Variants in SMYD3 observed in about 807,000 individuals in gnomAD.
SMYD3 encodes SET and MYND domain containing 3.
A neutral mutation model predicts 57.7 loss-of-function variants in SMYD3; 36 were observed. That is an observed-to-expected ratio of 0.62 (90% CI 0.48 to 0.82). The LOEUF is 0.82. Ranked by LOEUF, SMYD3 falls within the 40% of genes least tolerant of loss-of-function variation. The pLI is 0.00. For missense variants in SMYD3, 515 were observed against 538.8 expected (o/e 0.96, Z 0.44); for synonymous variants, 211 against 195.0 (o/e 1.08, Z -0.68).
chr1:245,800,470 T>C (rs2047806446), intron 10 of SMYD3, among the ~76,000 whole-genome samples: 1 of 152,030 alleles, frequency 6.6e-6, no homozygotes, highest in African/African-American at 2.4e-5. Flanking sequence ...GCTTGGCACA[T>C]AGGAGGTACT....
At chr1:245,904,834 C>T (rs1416297751) in intron 8 of SMYD3, among the ~76,000 whole-genome samples, 1 of 151,588 alleles carries the variant, frequency 6.6e-6, no homozygotes, top group Non-Finnish European at 1.5e-5. Flanking sequence ...AAAAGAGACC[C>T]CTTCCTTCTG....
At chr1:246,308,430 T>C (rs945101642) in intron 5 of SMYD3, among the ~76,000 whole-genome samples, 4 of 152,008 alleles carry the variant, frequency 2.6e-5, no homozygotes, top group African/African-American at 4.8e-5. Flanking sequence ...AAACCAATTT[T>C]CCCCCACTTC....
intron 5 of SMYD3, among the ~76,000 whole-genome samples, chr1:246,280,378 G>A (rs997822807): frequency 2.0e-5 from 3 of 152,146 alleles, no homozygotes; most frequent in African/African-American, 4.8e-5. Flanking sequence ...GGAGTAAATC[G>A]GTTTGGCTGA....
At chr1:246,370,451 A>C (rs1200702677) in intron 1 of SMYD3, among the ~76,000 whole-genome samples, 2 of 152,224 alleles carry the variant, frequency 1.3e-5, no homozygotes, top group African/African-American at 4.8e-5. Flanking sequence ...AAAAGGTTTT[A>C]GTAGTTTAGG....
At chr1:246,414,055 G>A (rs1359162016) in intron 1 of SMYD3, among the ~76,000 whole-genome samples, 1 of 152,198 alleles carries the variant, frequency 6.6e-6, no homozygotes, top group Non-Finnish European at 1.5e-5. Context: ...GGAAAGAGGG[G>A]TGGTATATAA....
intron 2 of SMYD3, among the ~76,000 whole-genome samples, chr1:246,341,702 C>A (rs1346565704): frequency 2.6e-5 from 4 of 152,152 alleles, no homozygotes; most frequent in Admixed American, 6.5e-5. Context: ...CAATTTATTT[C>A]TTTCTTACGC....
chr1:246,168,801 A>T (rs1273862027), intron 5 of SMYD3, among the ~76,000 whole-genome samples: 1 of 152,068 alleles, frequency 6.6e-6, no homozygotes, highest in Non-Finnish European at 1.5e-5. Context: ...TGACAAGTCT[A>T]CCTTGCTGCC....
chr1:246,372,698 C>T (rs994055718), intron 1 of SMYD3, among the ~76,000 whole-genome samples: 9 of 152,180 alleles, frequency 5.9e-5, no homozygotes, highest in Non-Finnish European at 1.0e-4. Context: ...TGGCGAAACC[C>T]CATCTCTACT....
rs146990388 is a variant in SMYD3 at position 246,034,709 on chromosome 1, T to C, written c.532-104772A>G. 446 of 154,550 alleles carry C rather than the reference T, an allele frequency of 2.9e-3. 2 individuals carry two copies. Among genetic ancestry groups the C allele is most frequent in the Non-Finnish European group, 4.7e-3 (328 of 69,738 alleles). 9.6% of individuals were successfully genotyped at this position (154,550 alleles called of 1,614,324 possible). On this transcript the variant is annotated intron_variant, in intron 5 of 11. Coordinates refer to ENST00000490107, the MANE Select transcript of SMYD3 (RefSeq NM_001167740.2). Reference sequence around the variant, plus strand: ...AGCAAGGCTGGGGCAAATAAGGGAATTGGGGGCTGCTGGCTCCACACAGCA... The same window carrying C: ...AGCAAGGCTGGGGCAAATAAGGGAACTGGGGGCTGCTGGCTCCACACAGCA...
intron 8 of SMYD3, among the ~76,000 whole-genome samples, chr1:245,878,003 G>C (rs142547596): frequency 6.6e-6 from 1 of 152,276 alleles, no homozygotes; most frequent in Non-Finnish European, 1.5e-5. Context: ...GAAACGAAAG[G>C]AGAGTGTTCC....
intron 7 of SMYD3, among the ~76,000 whole-genome samples, chr1:245,924,654 G>GGTTT (rs1558499827): frequency 8.7e-6 from 1 of 115,128 alleles, no homozygotes; most frequent in South Asian, 2.8e-4. Context: ...CTCTATTCCA[G>GGTTT]CTTTTTTTTT....
chr1:245,870,399 G>A (rs774739395), intron 8 of SMYD3, among the ~76,000 whole-genome samples: 11 of 152,234 alleles, frequency 7.2e-5, no homozygotes, highest in Non-Finnish European at 1.2e-4. Context: ...TCTGACAATC[G>A]CGTCAAGGGT....
At chr1:245,951,256 A>G (rs6686951) in intron 5 of SMYD3, among the ~76,000 whole-genome samples, 28,408 of 150,500 alleles carry the variant, frequency 0.19, 3,665 homozygotes, top group East Asian at 0.47. Flanking sequence ...TGAATTACCC[A>G]CTCCATGGCT....
At chr1:246,216,693 GA>G (rs1468206926) in intron 5 of SMYD3, among the ~76,000 whole-genome samples, 11 of 152,096 alleles carry the variant, frequency 7.2e-5, no homozygotes, top group Non-Finnish European at 1.5e-4. Context: ...AGGCATAAAA[GA>G]AGTTGTATTT....
chr1:246,139,490 T>C (rs544247517), intron 5 of SMYD3, among the ~76,000 whole-genome samples: 5 of 152,338 alleles, frequency 3.3e-5, no homozygotes, highest in African/African-American at 1.2e-4. Context: ...AGGAAAGGAA[T>C]TTAGCAAACT....
intron 10 of SMYD3, among the ~76,000 whole-genome samples, chr1:245,804,980 A>T (rs933267182): frequency 6.6e-6 from 1 of 152,230 alleles, no homozygotes; most frequent in Non-Finnish European, 1.5e-5. Flanking sequence ...CCATCTCAAA[A>T]TGTTGAACTG....
chr1:246,472,853 CTTTTT>C (rs74163449), intron 1 of SMYD3, among the ~76,000 whole-genome samples: 3 of 102,906 alleles, frequency 2.9e-5, no homozygotes, highest in Admixed American at 1.2e-4. Flanking sequence ...TCTCAAATTT[CTTTTT>C]TTTTTTTTTT....
intron 5 of SMYD3, among the ~76,000 whole-genome samples, chr1:246,141,825 A>G (rs79262560): frequency 0.015 from 2,277 of 152,354 alleles, 55 homozygotes; most frequent in African/African-American, 0.05. Flanking sequence ...ATTGAGTTCT[A>G]TGTTCAGTGG....
intron 1 of SMYD3, among the ~76,000 whole-genome samples, chr1:246,363,030 C>T (rs367893426): frequency 4.0e-5 from 6 of 149,360 alleles, no homozygotes; most frequent in South Asian, 2.1e-4. Context: ...CGTCTCTGCC[C>T]GGCCGCCCAT....
Sources: allele counts gnomAD v4.1 joint callset (sites outside exome capture counted in the v4.1 genomes callset), GRCh38; gene constraint gnomAD v4.1.1; transcripts MANE v1.5; gene names NCBI Gene and HGNC (gene_info 2026-07-23, HGNC 2026-07-21).